The following ALMS1 variants were observed in gnomAD, a reference collection of about 807,000 sequenced individuals.
ALMS1 encodes the protein centrosome-associated protein ALMS1.
In ALMS1, 271 loss-of-function variants were observed where a neutral mutation model predicts 352.2. The ratio of observed to expected loss-of-function variants is 0.77; its 90% CI spans 0.70 to 0.85. The LOEUF (loss-of-function observed/expected upper bound fraction) is 0.85. ALMS1 is among the 40% of genes least tolerant of loss of function. ALMS1 has a pLI of 0.00. For synonymous variants in ALMS1, 1,865 were observed against 1,761.2 expected (o/e 1.06, Z -1.48); for missense variants, 5,445 against 4,870.7 (o/e 1.12, Z -3.51).
At chr2:73,535,204 C>T (rs1021602787) in intron 12 of ALMS1, among the ~76,000 whole-genome samples, 1 of 152,108 alleles carries the variant, frequency 6.6e-6, no homozygotes, top group Admixed American at 6.5e-5. Context: ...GGCAAAGTTT[C>T]TAAGCTTTCT....
At chr2:73,601,474 G>T in intron 19 of ALMS1, 38 bp downstream of exon 19, 1 of 1,606,424 alleles carries the variant, frequency 6.2e-7, no homozygotes, top group South Asian at 1.1e-5. Flanking sequence ...GCTACGTGTA[G>T]GGAGAAGAAG....
Position 73,414,489 on chromosome 2 carries a change from G to GTT in ALMS1, c.451-4625_451-4624dup, listed in dbSNP as rs11395837. 4.6e-3 allele frequency among the ~76,000 whole-genome samples: 433 copies of GTT among 94,170 alleles called. 3 individuals carry two copies. The highest frequency in any genetic ancestry group is 6.9e-3 in the Non-Finnish European group (351 of 50,748). The allele number at this position is 94,170 out of a possible 152,430, so 61.8% of individuals were successfully genotyped here. A position where few individuals can be genotyped will look rare whatever the true frequency, so the allele number is the denominator to read the frequency against. On this transcript the variant is annotated intron_variant, in intron 2 of 22. Coordinates refer to ENST00000613296, the MANE Select transcript of ALMS1 (RefSeq NM_001378454.1). ...TTTTTTTCCGTTTTTTTTTTTTTTT[G>GTT]TTTTTTTTTTGCTTTATTACACTGG...
chr2:73,512,751 C>T (rs373227847), intron 10 of ALMS1, among the ~76,000 whole-genome samples: 1 of 152,108 alleles, frequency 6.6e-6, no homozygotes, highest in Non-Finnish European at 1.5e-5. Context: ...GCTCTATATC[C>T]TTTTTGTATG....
intron 10 of ALMS1, among the ~76,000 whole-genome samples, chr2:73,516,188 G>A (rs1673551740): frequency 6.6e-6 from 1 of 152,090 alleles, no homozygotes; most frequent in Admixed American, 6.5e-5. Context: ...ACAAATATAT[G>A]AAAAAATGTT....
Position 73,450,117 on chromosome 2 carries a change from A to G in ALMS1, c.3590A>G (p.Lys1197Arg). Residue 1197 changes from lysine (K) to arginine (R), a missense_variant, in exon 8 of 23, where the codon AAA (lysine) becomes AGA (arginine). Lys to Arg is a conservative substitution (Grantham distance 26, BLOSUM62 2). Transcript: ENST00000613296. ...VLSTFYSQREKPGIFYQQTLP... is the reference protein window; with the variant it reads ...VLSTFYSQRERPGIFYQQTLP... ...TCTACCTTCTACTCACAAAGAGAGA[A>G]ACCTGGTATTTTCTATCAACAGACC... 1 of 1,614,068 alleles carries G rather than the reference A, an allele frequency of 6.2e-7. No individual in the cohort carries two copies. Among genetic ancestry groups the G allele is most frequent in the Non-Finnish European group, 8.5e-7 (1 of 1,179,980 alleles).
Position 73,490,049 on chromosome 2 carries a change from A to T in ALMS1, c.8090A>T (p.His2697Leu). 6.2e-7 allele frequency: 1 copy of T among 1,614,200 alleles called. No individual in the cohort carries two copies. Among genetic ancestry groups the T allele is most frequent in the Non-Finnish European group, 8.5e-7 (1 of 1,180,040 alleles). Residue 2697 changes from histidine to leucine, a missense_variant, in exon 10 of 23, where the codon CAT (histidine) becomes CTT (leucine). Transcript: ENST00000613296. The part of the protein sequence containing the change: ...AFVPPKEVDF[H>L]SSSQMPSPEP... ...GTGCCACCTAAAGAAGTGGATTTTC[A>T]TTCTTCATCACAAATGCCGTCCCCA...
chr2:73,544,521 A>G (rs1202623169), intron 12 of ALMS1, among the ~76,000 whole-genome samples: 3 of 152,136 alleles, frequency 2.0e-5, no homozygotes, highest in Non-Finnish European at 4.4e-5. Context: ...TAGTAAAAAA[A>G]TAAATAAATA....
chr2:73,412,851 A>G (rs1671106397), intron 2 of ALMS1, among the ~76,000 whole-genome samples: 1 of 152,076 alleles, frequency 6.6e-6, no homozygotes, highest in South Asian at 2.1e-4. Context: ...GTGATAAGGT[A>G]ATTGTATGTT....
Position 73,408,646 on chromosome 2 carries a change from T to C in ALMS1, c.349T>C (p.Trp117Arg), listed in dbSNP as rs1671017012. The C allele has an allele frequency of 6.2e-7, 1 of 1,613,516 alleles. No individual in the cohort carries two copies. The highest frequency in any genetic ancestry group is 8.5e-7 in the Non-Finnish European group (1 of 1,179,638). Residue 117 changes from tryptophan (W) to arginine (R), a missense_variant, in exon 2 of 23, where the codon TGG (tryptophan) becomes CGG (arginine). Transcript: ENST00000613296. ...EKIVPLTCHV[W>R]QQIVYQGNSR... ...GATTGTTCCATTGACCTGTCATGTA[T>C]GGCAACAGATAGTATATCAAGGCAA...
At chr2:73,538,783 A>T (rs568541803) in intron 12 of ALMS1, among the ~76,000 whole-genome samples, 22 of 152,186 alleles carry the variant, frequency 1.4e-4, no homozygotes, top group Non-Finnish European at 2.9e-4. Flanking sequence ...AGCCTCGCTC[A>T]TTGCTAGCAC....
At chr2:73,460,404 TA>T (rs1448035813) in intron 9 of ALMS1, among the ~76,000 whole-genome samples, 1 of 152,196 alleles carries the variant, frequency 6.6e-6, no homozygotes, top group Non-Finnish European at 1.5e-5. Context: ...TGTGGTAATA[TA>T]AAAATGATTT....
At chr2:73,495,797 C>A (rs1673092363) in intron 10 of ALMS1, among the ~76,000 whole-genome samples, 1 of 152,116 alleles carries the variant, frequency 6.6e-6, no homozygotes, top group South Asian at 2.1e-4. Context: ...TCTAGCCTTT[C>A]CCCTTTCTTT....
intron 12 of ALMS1, among the ~76,000 whole-genome samples, chr2:73,545,159 T>G (rs556771175): frequency 6.6e-6 from 1 of 151,682 alleles, no homozygotes; most frequent in Non-Finnish European, 1.5e-5. Context: ...AGTGTACACT[T>G]AAAAATGATT....
At chr2:73,395,006 A>G (rs1188349328) in intron 1 of ALMS1, among the ~76,000 whole-genome samples, 1 of 145,218 alleles carries the variant, frequency 6.9e-6, no homozygotes, top group East Asian at 2.0e-4. Context: ...ATATATGTGT[A>G]TATATATGTG....
intron 10 of ALMS1, 51 bp from the exon 11 acceptor site, chr2:73,519,724 C>G (rs1673632020): frequency 1.2e-6 from 2 of 1,610,968 alleles, no homozygotes; most frequent in East Asian, 4.5e-5. Context: ...AGATTTCAGT[C>G]TCTAATGGCC....
intron 16 of ALMS1, among the ~76,000 whole-genome samples, chr2:73,575,394 C>A (rs985090844): frequency 2.6e-5 from 4 of 152,170 alleles, no homozygotes; most frequent in Non-Finnish European, 5.9e-5. Context: ...CTCCAACCCT[C>A]CTCCTTTTTT....
intron 12 of ALMS1, among the ~76,000 whole-genome samples, chr2:73,545,958 A>G (rs967598346): frequency 6.6e-6 from 1 of 152,138 alleles, no homozygotes; most frequent in Admixed American, 6.6e-5. Context: ...ATGATTCTAG[A>G]GTTTGAAGAA....
At position 73,489,641 on chromosome 2, in the gene ALMS1, A is replaced by T; in HGVS notation, c.7682A>T (p.Gln2561Leu). 6.2e-7 allele frequency: 1 copy of T among 1,614,196 alleles called. No individual in the cohort carries two copies. Among genetic ancestry groups the T allele is most frequent in the Non-Finnish European group, 8.5e-7 (1 of 1,180,038 alleles). ...GRTTDLSKGLQSPRGMGCKPE... is the reference protein window; with the variant it reads ...GRTTDLSKGLLSPRGMGCKPE... ...TTTGTTTGTATCTTCTAGGGTTTACAGAGTCCACGGGGAATGGGATGCAAG... is the reference window on the plus strand; with the variant it reads ...TTTGTTTGTATCTTCTAGGGTTTACTGAGTCCACGGGGAATGGGATGCAAG... Residue 2561 changes from glutamine (Q) to leucine (L), a missense_variant, in exon 10 of 23, where the codon CAG (glutamine) becomes CTG (leucine). Transcript: ENST00000613296.
At chr2:73,456,341 C>A (rs1238957745) in intron 9 of ALMS1, among the ~76,000 whole-genome samples, 2 of 152,270 alleles carry the variant, frequency 1.3e-5, no homozygotes, top group African/African-American at 4.8e-5. Flanking sequence ...TTCCTTATTA[C>A]TGTACAGTAT....
Sources: allele counts gnomAD v4.1 joint callset (sites outside exome capture counted in the v4.1 genomes callset), GRCh38; gene constraint gnomAD v4.1.1; transcripts MANE v1.5; gene names NCBI Gene and HGNC (gene_info 2026-07-23, HGNC 2026-07-21).